The following MSI2 variants were observed in gnomAD, a reference collection of about 807,000 sequenced individuals.
MSI2 encodes RNA-binding protein Musashi homolog 2.
MSI2 carries 17 observed loss-of-function variants against 45.6 expected under a neutral mutation model. That is an observed-to-expected ratio of 0.37 (90% CI 0.26 to 0.56). The LOEUF is 0.56. Among genes scored for constraint, MSI2 ranks in the 20% least tolerant of loss-of-function variants. MSI2 has a pLI of 0.77. For synonymous variants in MSI2, 156 were observed against 158.2 expected, an observed-to-expected ratio of 0.99 and a Z score of 0.11; for missense variants, 293 against 444.2, an observed-to-expected ratio of 0.66 and a Z score of 3.06.
intron 6 of MSI2, among the ~76,000 whole-genome samples, chr17:57,455,614 T>G (rs556530625): frequency 6.6e-6 from 1 of 151,846 alleles, no homozygotes; most frequent in Non-Finnish European, 1.5e-5. Context: ...GTATAGCGAG[T>G]CCAAAACAAA....
At chr17:57,538,209 C>T (rs893537224) in intron 7 of MSI2, among the ~76,000 whole-genome samples, 5 of 152,100 alleles carry the variant, frequency 3.3e-5, no homozygotes, top group African/African-American at 4.8e-5. Flanking sequence ...TTCTTAGCAT[C>T]ACGGCACTGC....
chr17:57,446,263 A>G (rs1258263834), intron 6 of MSI2, among the ~76,000 whole-genome samples: 2 of 152,260 alleles, frequency 1.3e-5, no homozygotes, highest in East Asian at 3.9e-4. Flanking sequence ...TTGCCAAGGC[A>G]AGAAGGAGCT....
chr17:57,456,456 C>T (rs146660635), intron 6 of MSI2, among the ~76,000 whole-genome samples: 5 of 152,208 alleles, frequency 3.3e-5, no homozygotes, highest in South Asian at 4.2e-4. Context: ...ATTAGTGGGG[C>T]GTGGTGGCAG....
At chr17:57,664,474 C>T (rs1398622695) in intron 11 of MSI2, among the ~76,000 whole-genome samples, 6 of 151,744 alleles carry the variant, frequency 4.0e-5, no homozygotes, top group East Asian at 1.9e-4. Flanking sequence ...GCTGAGAGTG[C>T]GCCACTGCAC....
chr17:57,665,813 G>A (rs1165064528), intron 11 of MSI2, among the ~76,000 whole-genome samples: 1 of 152,124 alleles, frequency 6.6e-6, no homozygotes, highest in Non-Finnish European at 1.5e-5. Context: ...TTCTAGCGAG[G>A]GCCCAGGGTT....
rs75287546 is a variant in MSI2 at position 57,649,601 on chromosome 17, T to C, written c.728-2498T>C. Reference sequence around the variant, plus strand: ...ACCCAACACACACACCCCTTGTATCTGTGCTTGCCCATCTCCCGCAAGCCC... The same window carrying C: ...ACCCAACACACACACCCCTTGTATCCGTGCTTGCCCATCTCCCGCAAGCCC... On this transcript the variant is annotated intron_variant, in intron 10 of 13. Transcript: ENST00000284073. 5.9e-3 allele frequency among the ~76,000 whole-genome samples: 894 copies of C among 152,260 alleles called. 6 individuals are homozygous for C. The highest frequency in any genetic ancestry group is 0.02 in the African/African-American group (845 of 41,540).
intron 7 of MSI2, among the ~76,000 whole-genome samples, chr17:57,539,047 C>T (rs2086983585): frequency 6.6e-6 from 1 of 152,208 alleles, no homozygotes; most frequent in Non-Finnish European, 1.5e-5. Context: ...ACGTGCATAT[C>T]ATATGCAGAT....
At position 57,596,845 on chromosome 17, in the gene MSI2, T is replaced by C; in HGVS notation, c.455-23T>C. On this transcript the variant is annotated intron_variant, in intron 7 of 13. Coordinates refer to ENST00000284073, the MANE Select transcript of MSI2 (RefSeq NM_138962.4). This position sits in a 1 kb window ranked among gnomAD's most constrained non-coding sequence, Gnocchi z 4.6. The stretch of plus-strand genomic sequence containing the variant: ...AACTCACCCCGCCTCTCTTTGTTTT[T>C]TCTTCTCTCTCTTTTCCTTTAGGGT... 6.3e-7 allele frequency: 1 copy of C among 1,591,678 alleles called. No individual in the cohort carries two copies.
chr17:57,354,654 C>T (rs549580932), intron 5 of MSI2, among the ~76,000 whole-genome samples: 1 of 151,988 alleles, frequency 6.6e-6, no homozygotes, highest in Non-Finnish European at 1.5e-5. Flanking sequence ...AAGTGTGAAC[C>T]TCCAGGAAGT....
In MSI2 at chr17:57,459,095, A is replaced by G. The variant is rs926998734; in HGVS notation, c.405+57624A>G. Reference sequence around the variant, plus strand: ...CTCTTTAATGTTTTCCTTCCCATTTAATAAGTGTTGAGTAAAACTTGAGTT... The same window carrying G: ...CTCTTTAATGTTTTCCTTCCCATTTGATAAGTGTTGAGTAAAACTTGAGTT... On this transcript the variant is annotated intron_variant, in intron 6 of 13. Transcript: ENST00000284073. 3.9e-5 allele frequency among the ~76,000 whole-genome samples: 6 copies of G among 152,328 alleles called. 1 individual carries two copies. Among genetic ancestry groups the G allele is most frequent in the Admixed American group, 1.3e-4 (2 of 15,306 alleles).
intron 6 of MSI2, among the ~76,000 whole-genome samples, chr17:57,431,229 C>T (rs1213672136): frequency 6.6e-6 from 1 of 152,196 alleles, no homozygotes; most frequent in East Asian, 1.9e-4. Context: ...TAGGCATCGG[C>T]CCTCTCTCCT....
chr17:57,393,399 T>G (rs1458292930), intron 5 of MSI2, among the ~76,000 whole-genome samples: 1 of 152,254 alleles, frequency 6.6e-6, no homozygotes, highest in African/African-American at 2.4e-5. Context: ...TGTGTCTTGC[T>G]TGTTTCACTT....
chr17:57,464,895 C>T (rs1567839964), intron 6 of MSI2, among the ~76,000 whole-genome samples: 2 of 152,160 alleles, frequency 1.3e-5, no homozygotes, highest in Admixed American at 1.3e-4. Context: ...GCCCCATGAG[C>T]GGTGCCCACC....
intron 6 of MSI2, chr17:57,450,324 C>G (rs1031345311): frequency 7.4e-6 from 1 of 134,516 alleles, no homozygotes; most frequent in African/African-American, 3.3e-5. Context: ...AGAAAGAAAA[C>G]CTTTGTTAAA....
At chr17:57,415,103 T>A (rs1278177432) in intron 6 of MSI2, among the ~76,000 whole-genome samples, 1 of 152,104 alleles carries the variant, frequency 6.6e-6, no homozygotes, top group Admixed American at 6.5e-5. Flanking sequence ...GAGCGTTGAC[T>A]CATCTAGGCT....
At chr17:57,305,279 G>A (rs1029038004) in intron 5 of MSI2, among the ~76,000 whole-genome samples, 4 of 152,286 alleles carry the variant, frequency 2.6e-5, no homozygotes, top group South Asian at 2.1e-4. Flanking sequence ...TGGGTGAACC[G>A]TTCAGCTAGG....
intron 11 of MSI2, among the ~76,000 whole-genome samples, chr17:57,667,408 G>A (rs115435551): frequency 1.3e-5 from 2 of 152,158 alleles, no homozygotes; most frequent in Non-Finnish European, 2.9e-5. Flanking sequence ...ATCCGTTCAC[G>A]GTGGAGAGGG....
chr17:57,509,525 A>G (rs1290394166), intron 6 of MSI2, among the ~76,000 whole-genome samples: 1 of 151,200 alleles, frequency 6.6e-6, no homozygotes. Context: ...GGTTCAAGTG[A>G]CTCTCCTGCC....
chr17:57,552,339 C>T lies in MSI2; in HGVS notation c.454+22615C>T, dbSNP rs1281419141. Among the ~76,000 whole-genome samples the T allele has an allele frequency of 6.6e-6, 1 of 152,194 alleles. No homozygotes were observed. Among genetic ancestry groups the T allele is most frequent in the Non-Finnish European group, 1.5e-5 (1 of 68,032 alleles). ...AGTCCTGGGAACTGAGCTTGGCTTT[C>T]TGCCTGCTGCTTGTCTCTGATTATG... On this transcript the variant is annotated intron_variant, in intron 7 of 13. Coordinates refer to ENST00000284073, the MANE Select transcript of MSI2 (RefSeq NM_138962.4). This position sits in a 1 kb window ranked among gnomAD's most constrained non-coding sequence, Gnocchi z 4.3.
Sources: gnomAD v4.1 joint callset for allele counts (sites outside exome capture counted in the v4.1 genomes callset) on GRCh38, gnomAD v4.1.1 for gene constraint, Gnocchi (gnomAD v3.1) non-coding constraint, MANE v1.5 for transcripts, NCBI Gene and HGNC (gene_info 2026-07-23, HGNC 2026-07-21) for gene names.